AKR1C8: variants seen among roughly 807,000 people sequenced by gnomAD.
AKR1C8 encodes aldo-keto reductase family 1 member C8.
chr10:5,183,159 A>T, the AKR1C8 span, among the ~76,000 whole-genome samples: 1 of 152,152 alleles, frequency 6.6e-6, no homozygotes, highest in East Asian at 1.9e-4. Context: ...ACTAACCAAC[A>T]ATCTCTGACT....
the AKR1C8 span, among the ~76,000 whole-genome samples, chr10:5,173,936 C>T: frequency 6.6e-6 from 1 of 152,116 alleles, no homozygotes; most frequent in African/African-American, 2.4e-5. Context: ...ATAAAAGGCC[C>T]TAAGATGACT....
the AKR1C8 span, among the ~76,000 whole-genome samples, chr10:5,172,196 A>G: frequency 6.6e-6 from 1 of 152,104 alleles, no homozygotes; most frequent in African/African-American, 2.4e-5. Flanking sequence ...AGGCCTAATT[A>G]CTTTTAAATT....
the AKR1C8 span, among the ~76,000 whole-genome samples, chr10:5,132,398 T>C: frequency 1.3e-5 from 2 of 152,348 alleles, 1 homozygote; most frequent in East Asian, 3.9e-4. Flanking sequence ...AAAGTGATTT[T>C]CAAGTAACAA....
At chr10:5,180,734 C>G in the AKR1C8 span, among the ~76,000 whole-genome samples, 1 of 152,226 alleles carries the variant, frequency 6.6e-6, no homozygotes, top group African/African-American at 2.4e-5. Flanking sequence ...GCAGTTTGAT[C>G]TCAGACTGCT....
the AKR1C8 span, among the ~76,000 whole-genome samples, chr10:5,175,798 A>T: frequency 3.3e-5 from 5 of 150,798 alleles, no homozygotes; most frequent in Admixed American, 2.0e-4. Context: ...TCTGTTCATG[A>T]ACTTCGCCCA....
At chr10:5,160,045 A>G in the AKR1C8 span, 2 of 315,298 alleles carry the variant, frequency 6.3e-6, no homozygotes, top group African/African-American at 2.2e-5. Flanking sequence ...TTTAGTGTAA[A>G]TTTTTCTTTT....
the AKR1C8 span, among the ~76,000 whole-genome samples, chr10:5,130,331 G>A: frequency 6.6e-6 from 1 of 151,858 alleles, no homozygotes; most frequent in Non-Finnish European, 1.5e-5. Flanking sequence ...ATGGAGAAAA[G>A]TTTAAAACAT....
At chr10:5,176,929 G>A in the AKR1C8 span, among the ~76,000 whole-genome samples, 1 of 152,248 alleles carries the variant, frequency 6.6e-6, no homozygotes, top group Admixed American at 6.5e-5. Flanking sequence ...TGCAAACAGG[G>A]ATAATTTGAC....
chr10:5,143,648 GTATA>G, the AKR1C8 span, among the ~76,000 whole-genome samples: 543 of 149,966 alleles, frequency 3.6e-3, 5 homozygotes, highest in Non-Finnish European at 3.9e-3. Flanking sequence ...ACATATACAT[GTATA>G]TATAATACAT....
At chr10:5,120,289 C>T in the AKR1C8 span, among the ~76,000 whole-genome samples, 2 of 152,152 alleles carry the variant, frequency 1.3e-5, no homozygotes, top group Non-Finnish European at 2.9e-5. Flanking sequence ...GACTCTGTGG[C>T]TCTCAGCTCT....
chr10:5,130,141 T>A, the AKR1C8 span, among the ~76,000 whole-genome samples: 1 of 151,710 alleles, frequency 6.6e-6, no homozygotes, highest in African/African-American at 2.4e-5. Flanking sequence ...ATATGATATA[T>A]AACACAAAGA....
chr10:5,120,144 G>A, the AKR1C8 span, among the ~76,000 whole-genome samples: 7 of 152,194 alleles, frequency 4.6e-5, no homozygotes, highest in Admixed American at 1.3e-4. Context: ...TAGCATGAGC[G>A]ATCTGTGCCT....
chr10:5,183,629 G>T, the AKR1C8 span, among the ~76,000 whole-genome samples: 2 of 151,876 alleles, frequency 1.3e-5, no homozygotes, highest in African/African-American at 4.8e-5. Context: ...CAAAAAAATA[G>T]CCAGAAAAGT....
the AKR1C8 span, among the ~76,000 whole-genome samples, chr10:5,152,013 C>A: frequency 1.3e-5 from 2 of 152,080 alleles, no homozygotes; most frequent in African/African-American, 4.8e-5. Context: ...GGCTGGGATT[C>A]TAAGGTTTGC....
At chr10:5,174,403 T>A in the AKR1C8 span, among the ~76,000 whole-genome samples, 2 of 152,048 alleles carry the variant, frequency 1.3e-5, no homozygotes, top group African/African-American at 4.8e-5. Context: ...TAAAATGTCT[T>A]AAAAAGTATT....
chr10:5,141,863 C>G, the AKR1C8 span, among the ~76,000 whole-genome samples: 11 of 152,154 alleles, frequency 7.2e-5, no homozygotes, highest in East Asian at 1.9e-3. Flanking sequence ...TATAACAAAG[C>G]ATTGGTTTTA....
the AKR1C8 span, among the ~76,000 whole-genome samples, chr10:5,117,130 CTT>C: frequency 0.35 from 51,849 of 148,292 alleles, 9,445 homozygotes; most frequent in African/African-American, 0.47. Context: ...TGGCAGTGAG[CTT>C]TTTTTTTTTT....
the AKR1C8 span, among the ~76,000 whole-genome samples, chr10:5,116,111 C>G: frequency 3.6e-4 from 55 of 152,276 alleles, no homozygotes; most frequent in African/African-American, 1.3e-3. Flanking sequence ...CTTAATCACA[C>G]AGCATGGTAA....
the AKR1C8 span, among the ~76,000 whole-genome samples, chr10:5,181,482 A>G: frequency 6.6e-6 from 1 of 152,188 alleles, no homozygotes; most frequent in South Asian, 2.1e-4. Flanking sequence ...GGCTTCCCAA[A>G]ATTAAACTTG....
Sources: allele counts gnomAD v4.1 joint callset (sites outside exome capture counted in the v4.1 genomes callset), GRCh38; gene constraint gnomAD v4.1.1; transcripts MANE v1.5; gene names NCBI Gene and HGNC (gene_info 2026-07-23, HGNC 2026-07-21).